GPC6: variants seen among roughly 807,000 people sequenced by gnomAD.
GPC6 encodes the protein glypican 6.
Under a neutral mutation model 55.2 loss-of-function variants are expected in GPC6, and 14 were observed. The ratio of observed to expected loss-of-function variants is 0.25; its 90% confidence interval spans 0.17 to 0.40. The LOEUF is 0.40. Among genes scored for constraint, GPC6 ranks in the 10% least tolerant of loss-of-function variants. The pLI is 1.00. For synonymous variants in GPC6, 278 were observed against 259.6 expected (o/e 1.07, Z -0.68); for missense variants, 641 against 708.5 (o/e 0.90, Z 1.08).
chr13:93,231,408 T>TAC (rs1171716989), intron 1 of GPC6, among the ~76,000 whole-genome samples: 3 of 43,164 alleles, frequency 7.0e-5, no homozygotes, highest in South Asian at 6.9e-4. Flanking sequence ...TATATATATA[T>TAC]ATATATATAT....
At chr13:93,964,678 C>A (rs932676298) in intron 3 of GPC6, among the ~76,000 whole-genome samples, 1 of 152,114 alleles carries the variant, frequency 6.6e-6, no homozygotes, top group Non-Finnish European at 1.5e-5. Flanking sequence ...GTATTTTATT[C>A]CTGACCAGTC....
intron 2 of GPC6, among the ~76,000 whole-genome samples, chr13:93,612,839 A>C (rs757262396): frequency 1.3e-5 from 2 of 152,142 alleles, no homozygotes; most frequent in African/African-American, 4.8e-5. Flanking sequence ...ATGTGTGTCA[A>C]TTGTTGAACT....
chr13:93,642,771 A>G (rs989523575), intron 2 of GPC6, among the ~76,000 whole-genome samples: 3 of 152,116 alleles, frequency 2.0e-5, no homozygotes, highest in African/African-American at 4.8e-5. Flanking sequence ...AAGAAAAACA[A>G]TACAAAAATG....
chr13:94,055,175 G>A (rs2297784), intron 4 of GPC6, among the ~76,000 whole-genome samples: 63,097 of 152,038 alleles, frequency 0.42, 14,823 homozygotes, highest in Middle Eastern at 0.59. Flanking sequence ...GGGGCTCAGC[G>A]AAGACCCTGA....
chr13:93,847,867 A>G (rs773605530), intron 3 of GPC6, among the ~76,000 whole-genome samples: 3 of 152,196 alleles, frequency 2.0e-5, no homozygotes, highest in Non-Finnish European at 4.4e-5. Flanking sequence ...CTGAATACAC[A>G]CAACTTTCTC....
chr13:93,665,823 A>T (rs1215235117), intron 2 of GPC6, among the ~76,000 whole-genome samples: 1 of 152,108 alleles, frequency 6.6e-6, no homozygotes, highest in Non-Finnish European at 1.5e-5. Context: ...AGTGAAGTTA[A>T]CTTCATCCTG....
chr13:93,890,741 A>C (rs865961422), intron 3 of GPC6, among the ~76,000 whole-genome samples: 1 of 145,766 alleles, frequency 6.9e-6, no homozygotes, highest in African/African-American at 2.5e-5. Flanking sequence ...TTTGCTTAGA[A>C]AGTTATATTT....
At chr13:93,901,675 G>A (rs186478260) in intron 3 of GPC6, among the ~76,000 whole-genome samples, 4 of 152,090 alleles carry the variant, frequency 2.6e-5, no homozygotes, top group Admixed American at 1.3e-4. Context: ...GGCAGAGGTA[G>A]GTGGATCATG....
intron 1 of GPC6, among the ~76,000 whole-genome samples, chr13:93,526,607 T>A (rs1429098108): frequency 6.6e-6 from 1 of 152,104 alleles, no homozygotes; most frequent in East Asian, 1.9e-4. Flanking sequence ...AGTATGTAAC[T>A]GGCAATTTCA....
chr13:93,389,263 C>T (rs926950296), intron 1 of GPC6, among the ~76,000 whole-genome samples: 14 of 151,768 alleles, frequency 9.2e-5, no homozygotes, highest in African/African-American at 2.9e-4. Flanking sequence ...TTTGGGAAGG[C>T]GAGACAGGCA....
intron 3 of GPC6, among the ~76,000 whole-genome samples, chr13:93,938,901 A>C (rs775782614): frequency 6.6e-6 from 1 of 152,116 alleles, no homozygotes; most frequent in Non-Finnish European, 1.5e-5. Context: ...CAAGAGATGG[A>C]GACCATCCGG....
chr13:93,224,817 C>T (rs1378518358), upstream of GPC6, among the ~76,000 whole-genome samples: 3 of 152,206 alleles, frequency 2.0e-5, no homozygotes, highest in Non-Finnish European at 4.4e-5. Context: ...ACCAGTAAAG[C>T]AAGTTATCTA....
At chr13:93,788,634 A>G (rs547852873) in intron 2 of GPC6, among the ~76,000 whole-genome samples, 1 of 152,012 alleles carries the variant, frequency 6.6e-6, no homozygotes, top group Admixed American at 6.6e-5. Context: ...TCCCAAGTGC[A>G]TTGATTTCTG....
At chr13:93,845,308 G>A (rs968203885) in intron 3 of GPC6, among the ~76,000 whole-genome samples, 3 of 150,396 alleles carry the variant, frequency 2.0e-5, no homozygotes, top group African/African-American at 7.4e-5. Context: ...AGTTAGAATG[G>A]CAATCATTAA....
intron 1 of GPC6, among the ~76,000 whole-genome samples, chr13:93,248,210 G>A (rs764398588): frequency 6.6e-6 from 1 of 152,140 alleles, no homozygotes; most frequent in African/African-American, 2.4e-5. Context: ...TTAATTCTAT[G>A]TGATAACCAA....
chr13:94,389,557 C>T (rs1366777290), intron 7 of GPC6, among the ~76,000 whole-genome samples: 1 of 152,126 alleles, frequency 6.6e-6, no homozygotes, highest in African/African-American at 2.4e-5. Flanking sequence ...TAGAACATAG[C>T]CATGTTAAAC....
intron 3 of GPC6, among the ~76,000 whole-genome samples, chr13:93,958,663 G>C (rs1182186216): frequency 1.3e-5 from 2 of 152,050 alleles, no homozygotes; most frequent in East Asian, 3.8e-4. Flanking sequence ...GCTTGGGGTT[G>C]CTTTGGCTAT....
chr13:93,445,789 A>G (rs2139294780), intron 1 of GPC6, among the ~76,000 whole-genome samples: 1 of 152,328 alleles, frequency 6.6e-6, no homozygotes, highest in Non-Finnish European at 1.5e-5. Flanking sequence ...AATGATGGAA[A>G]AATCAAAGAC....
chr13:93,427,914 A>G (rs1239497552), intron 1 of GPC6, among the ~76,000 whole-genome samples: 19 of 152,194 alleles, frequency 1.2e-4, no homozygotes, highest in Admixed American at 1.2e-3. Context: ...GAAAAGTTTT[A>G]TGCAGTCAGT....
Sources: allele counts gnomAD v4.1 joint callset (sites outside exome capture counted in the v4.1 genomes callset), GRCh38; gene constraint gnomAD v4.1.1; transcripts MANE v1.5; gene names NCBI Gene and HGNC (gene_info 2026-07-23, HGNC 2026-07-21).